The following TMEM117 variants were observed in gnomAD, a reference collection of about 807,000 sequenced individuals.
TMEM117 encodes the protein transmembrane protein 117.
Under a neutral mutation model 52.4 loss-of-function variants are expected in TMEM117, and 27 were observed. The ratio of observed to expected loss-of-function variants is 0.51; its 90% CI spans 0.38 to 0.71. The LOEUF is 0.71. TMEM117 is among the 30% of genes least tolerant of loss of function. The pLI is 0.00. For missense variants in TMEM117, 556 were observed against 630.5 expected, an observed-to-expected ratio of 0.88 and a Z score of 1.26; for synonymous variants, 215 against 206.3, an observed-to-expected ratio of 1.04 and a Z score of -0.36.
chr12:44,010,081 C>A, intron 3 of TMEM117: 1 of 445,320 alleles, frequency 2.2e-6, no homozygotes, highest in South Asian at 1.7e-5. Context: ...ACCCATTAGT[C>A]TCCCACATAG....
chr12:44,336,382 A>G (rs1160967751), intron 6 of TMEM117, among the ~76,000 whole-genome samples: 2 of 152,066 alleles, frequency 1.3e-5, no homozygotes, highest in African/African-American at 2.4e-5. Context: ...AACCACTATT[A>G]TGCGTGTATT....
At chr12:43,816,550 C>T in the TMEM117 span, among the ~76,000 whole-genome samples, 2 of 152,172 alleles carry the variant, frequency 1.3e-5, no homozygotes, top group Non-Finnish European at 2.9e-5. Context: ...TTACTCACCT[C>T]CTGTCCACTA....
chr12:44,370,838 C>T (rs1004105140), intron 6 of TMEM117, among the ~76,000 whole-genome samples: 8 of 152,048 alleles, frequency 5.3e-5, no homozygotes, highest in African/African-American at 1.9e-4. Context: ...GAGCTCCATT[C>T]ATCAATTCAA....
chr12:43,995,539 T>G lies in TMEM117; in HGVS notation c.410+51197T>G, dbSNP rs377664477. Among the ~76,000 whole-genome samples the G allele has an allele frequency of 6.6e-5, 10 of 152,332 alleles. No individual in the cohort carries two copies. The East Asian group carries it at 1.7e-3, about 26-fold the overall frequency. ...TACTTGTCTTCTTGTTTTTTAAAAT[T>G]TTTAAGTCAATAGTTTTTGGGGAAC... is the stretch of plus-strand genomic sequence containing the variant. On this transcript the variant is annotated intron_variant, in intron 3 of 7. Coordinates refer to ENST00000266534, the MANE Select transcript of TMEM117 (RefSeq NM_032256.3).
chr12:43,914,591 G>C (rs2137541117), intron 2 of TMEM117, among the ~76,000 whole-genome samples: 1 of 152,208 alleles, frequency 6.6e-6, no homozygotes, highest in East Asian at 1.9e-4. Context: ...AAAGACAGTG[G>C]GGAACAATGG....
intron 5 of TMEM117, among the ~76,000 whole-genome samples, chr12:44,265,199 TAA>T (rs1418365877): frequency 6.6e-6 from 1 of 152,114 alleles, no homozygotes; most frequent in African/African-American, 2.4e-5. Flanking sequence ...AGAGACCAAC[TAA>T]TCCAAAGGCT....
chr12:43,837,984 A>G (rs960824936), intron 1 of TMEM117, among the ~76,000 whole-genome samples: 7 of 152,218 alleles, frequency 4.6e-5, no homozygotes, highest in Admixed American at 4.6e-4. Context: ...CACAAATATT[A>G]TCCTGGAATC....
intron 3 of TMEM117, among the ~76,000 whole-genome samples, chr12:44,054,516 C>T (rs548350928): frequency 1.3e-5 from 2 of 152,290 alleles, no homozygotes; most frequent in South Asian, 2.1e-4. Flanking sequence ...TTAAAACCCA[C>T]ATGGCACATT....
At chr12:43,801,135 T>C in the TMEM117 span, among the ~76,000 whole-genome samples, 4 of 152,220 alleles carry the variant, frequency 2.6e-5, no homozygotes, top group African/African-American at 9.6e-5. Context: ...AATTAAAATA[T>C]GAGGAAAACT....
chr12:43,986,886 T>C (rs948929584), intron 3 of TMEM117, among the ~76,000 whole-genome samples: 5 of 152,200 alleles, frequency 3.3e-5, no homozygotes, highest in Admixed American at 6.6e-5. Context: ...AATTAGATTT[T>C]AAATTTAAGG....
chr12:44,180,707 T>G (rs1392780525), intron 4 of TMEM117, among the ~76,000 whole-genome samples: 1 of 152,142 alleles, frequency 6.6e-6, no homozygotes, highest in Non-Finnish European at 1.5e-5. Flanking sequence ...GGCTGCATAG[T>G]ATTCCATGGT....
the TMEM117 span, among the ~76,000 whole-genome samples, chr12:43,809,577 G>A: frequency 6.6e-6 from 1 of 152,084 alleles, no homozygotes; most frequent in Admixed American, 6.5e-5. Flanking sequence ...AAAATAAAAG[G>A]TCATTTAAAA....
chr12:44,293,852 A>C (rs1950735335), intron 5 of TMEM117, among the ~76,000 whole-genome samples: 1 of 152,160 alleles, frequency 6.6e-6, no homozygotes, highest in African/African-American at 2.4e-5. Flanking sequence ...AACTATTACA[A>C]TATTCTGAAC....
intron 5 of TMEM117, among the ~76,000 whole-genome samples, chr12:44,236,181 T>TAG (rs1327300025): frequency 1.3e-5 from 2 of 150,672 alleles, no homozygotes; most frequent in African/African-American, 4.9e-5. Context: ...CATATATATA[T>TAG]ATATATAGAG....
At chr12:43,918,718 G>C (rs1944645422) in intron 2 of TMEM117, among the ~76,000 whole-genome samples, 1 of 152,114 alleles carries the variant, frequency 6.6e-6, no homozygotes, top group Non-Finnish European at 1.5e-5. Context: ...TGAACACTGG[G>C]AATTATCCTG....
At chr12:43,914,766 T>C (rs756372465) in intron 2 of TMEM117, among the ~76,000 whole-genome samples, 23 of 152,122 alleles carry the variant, frequency 1.5e-4, no homozygotes, top group Non-Finnish European at 1.3e-4. Flanking sequence ...TTTGGGTATG[T>C]GGAAACTTTG....
intron 5 of TMEM117, among the ~76,000 whole-genome samples, chr12:44,227,567 T>G (rs890653441): frequency 1.3e-5 from 2 of 152,202 alleles, no homozygotes. Context: ...GACAGCTCTT[T>G]CTGCCTAATC....
intron 3 of TMEM117, among the ~76,000 whole-genome samples, chr12:44,037,211 G>T (rs574864886): frequency 6.6e-6 from 1 of 152,286 alleles, no homozygotes; most frequent in South Asian, 2.1e-4. Context: ...CTGGAAGCAG[G>T]CAGGAGCCGT....
intron 5 of TMEM117, among the ~76,000 whole-genome samples, chr12:44,252,313 T>C (rs2138515058): frequency 6.6e-6 from 1 of 152,228 alleles, no homozygotes; most frequent in Admixed American, 6.5e-5. Context: ...GAGACCATCC[T>C]GGGCAACAAA....
Sources: gnomAD v4.1 joint callset for allele counts (sites outside exome capture counted in the v4.1 genomes callset) on GRCh38, gnomAD v4.1.1 for gene constraint, MANE v1.5 for transcripts, NCBI Gene and HGNC (gene_info 2026-07-23, HGNC 2026-07-21) for gene names.